The following NTNG1 variants were observed in gnomAD, a reference collection of about 807,000 sequenced individuals.
The protein encoded by NTNG1 is netrin G1, also known as netrin-G1.
In NTNG1, 16 loss-of-function variants were observed where a neutral mutation model predicts 54.0. That is an observed-to-expected ratio of 0.30 (90% CI 0.20 to 0.45). The LOEUF is 0.45. NTNG1 is among the 20% of genes least tolerant of loss of function. The probability of loss-of-function intolerance (pLI) is 1.00; values close to 1 mark genes in which losing one functional copy is unlikely to be tolerated. For synonymous variants in NTNG1, 255 were observed against 263.1 expected (o/e 0.97, Z 0.30); for missense variants, 530 against 678.7 (o/e 0.78, Z 2.43).
intron 7 of NTNG1, among the ~76,000 whole-genome samples, chr1:107,457,285 T>A (rs1677007880): frequency 6.6e-6 from 1 of 152,246 alleles, no homozygotes; most frequent in South Asian, 2.1e-4. Flanking sequence ...GCTCTTTTGG[T>A]ACTAAATCCC....
intron 2 of NTNG1, among the ~76,000 whole-genome samples, chr1:107,183,121 C>A (rs4311917): frequency 0.68 from 102,835 of 152,110 alleles, 39,105 homozygotes; most frequent in Middle Eastern, 0.84. Flanking sequence ...CATTTAATTC[C>A]GTGCTGGAAG....
intron 2 of NTNG1, among the ~76,000 whole-genome samples, chr1:107,152,111 A>G (rs6583009): frequency 0.38 from 57,183 of 151,648 alleles, 12,279 homozygotes; most frequent in African/African-American, 0.6. Context: ...TATAAATTGC[A>G]TATATTGAAA....
intron 6 of NTNG1, among the ~76,000 whole-genome samples, chr1:107,436,133 C>T (rs1343252243): frequency 1.3e-5 from 2 of 152,156 alleles, no homozygotes; most frequent in Admixed American, 1.3e-4. Context: ...AATACAACAT[C>T]TAAAGGCTTA....
At chr1:107,158,533 G>C (rs1655169682) in intron 2 of NTNG1, among the ~76,000 whole-genome samples, 1 of 152,136 alleles carries the variant, frequency 6.6e-6, no homozygotes, top group Non-Finnish European at 1.5e-5. Context: ...GATGTCCATT[G>C]AGAAGTCCAG....
chr1:107,238,046 G>C (rs1661537057), intron 2 of NTNG1, among the ~76,000 whole-genome samples: 1 of 152,266 alleles, frequency 6.6e-6, no homozygotes, highest in East Asian at 1.9e-4. Flanking sequence ...GTGTGGAAAA[G>C]CTGCAGACGC....
At position 107,290,963 on chromosome 1, in the gene NTNG1, TTATATATATATATA is replaced by T. The variant is rs71976757; in HGVS notation, c.247-33310_247-33297del. On this transcript the variant is annotated intron_variant, in intron 2 of 7. Coordinates refer to ENST00000370068, the MANE Select transcript of NTNG1 (RefSeq NM_001113226.3). Reference sequence around the variant, plus strand: ...ATATTTTAAAGTGCATATATATATATTATATATATATATATATATATACACACACACATACATAC... The same window carrying T: ...ATATTTTAAAGTGCATATATATATATTATATATACACACACACATACATAC... 2.8e-5 allele frequency among the ~76,000 whole-genome samples: 4 copies of T among 142,530 alleles called. No individual in the cohort carries two copies. In the South Asian group the frequency reaches 8.9e-4, roughly 32 times the overall value. 93.5% of individuals were successfully genotyped at this position (142,530 alleles called of 152,430 possible).
intron 2 of NTNG1, among the ~76,000 whole-genome samples, chr1:107,276,852 G>T (rs1226765137): frequency 2.0e-5 from 3 of 151,298 alleles, no homozygotes; most frequent in Non-Finnish European, 4.4e-5. Context: ...TTATTGAAGA[G>T]ATGGGATAAA....
intron 7 of NTNG1, among the ~76,000 whole-genome samples, chr1:107,464,583 A>G (rs1348347518): frequency 1.3e-5 from 2 of 152,222 alleles, no homozygotes; most frequent in African/African-American, 2.4e-5. Context: ...AAAAACAATT[A>G]GAACCCTGGA....
In NTNG1 at chr1:107,183,110, G is replaced by A. The variant is rs113560107; in HGVS notation, c.246+34271G>A. 6.3e-4 allele frequency among the ~76,000 whole-genome samples: 96 copies of A among 152,268 alleles called. 1 individual carries two copies. Among genetic ancestry groups the A allele is most frequent in the African/African-American group, 2.2e-3 (91 of 41,558 alleles). ...GCTCTACTTCTTCATGTCTCCCAGA[G>A]CATTTAATTCCGTGCTGGAAGAGGT... is the stretch of plus-strand genomic sequence containing the variant. On this transcript the variant is annotated intron_variant, in intron 2 of 7. Transcript: ENST00000370068.
At chr1:107,290,596 A>C (rs935921373) in intron 2 of NTNG1, among the ~76,000 whole-genome samples, 11 of 152,118 alleles carry the variant, frequency 7.2e-5, no homozygotes, top group Non-Finnish European at 1.6e-4. Context: ...ACTGGAATTC[A>C]GGCACAATCC....
intron 2 of NTNG1, among the ~76,000 whole-genome samples, chr1:107,208,256 C>G (rs566584024): frequency 6.6e-6 from 1 of 151,762 alleles, no homozygotes; most frequent in African/African-American, 2.4e-5. Flanking sequence ...ATGGAGAAAC[C>G]CCCGTCTCTA....
chr1:107,287,628 G>T (rs2101750447), intron 2 of NTNG1, among the ~76,000 whole-genome samples: 1 of 152,254 alleles, frequency 6.6e-6, no homozygotes, highest in Admixed American at 6.5e-5. Context: ...GATGGTAGGG[G>T]AAAAGGTTGA....
intron 3 of NTNG1, among the ~76,000 whole-genome samples, chr1:107,354,453 A>G (rs1021914751): frequency 2.1e-5 from 3 of 144,530 alleles, no homozygotes; most frequent in African/African-American, 7.8e-5. Context: ...TGGACGACAA[A>G]CTGAGACTCC....
intron 4 of NTNG1, among the ~76,000 whole-genome samples, chr1:107,402,488 T>C (rs1673104012): frequency 6.6e-6 from 1 of 152,150 alleles, no homozygotes; most frequent in Admixed American, 6.6e-5. Context: ...ACATGGTAAG[T>C]CAGGTTAATG....
chr1:107,200,142 C>T (rs971386745), intron 2 of NTNG1, among the ~76,000 whole-genome samples: 1 of 151,758 alleles, frequency 6.6e-6, no homozygotes, highest in African/African-American at 2.4e-5. Flanking sequence ...CTTTCTTTCA[C>T]CATAATCTCT....
At chr1:107,367,330 G>A (rs1016322824) in intron 3 of NTNG1, among the ~76,000 whole-genome samples, 2 of 152,070 alleles carry the variant, frequency 1.3e-5, no homozygotes, top group Non-Finnish European at 2.9e-5. Flanking sequence ...GAAACATGCA[G>A]ATTTGAAACT....
chr1:107,392,154 A>G (rs188760218), intron 3 of NTNG1, among the ~76,000 whole-genome samples: 58 of 152,218 alleles, frequency 3.8e-4, no homozygotes, highest in African/African-American at 1.3e-3. Context: ...GAGATCTGAG[A>G]TGGAGATACA....
intron 7 of NTNG1, among the ~76,000 whole-genome samples, chr1:107,458,382 G>A (rs1482232520): frequency 6.6e-6 from 1 of 152,056 alleles, no homozygotes; most frequent in Non-Finnish European, 1.5e-5. Context: ...AGTTCAAAAG[G>A]TAAAAAGCAC....
In NTNG1 at chr1:107,324,569, T is replaced by C. The variant is rs757499912; in HGVS notation, c.534T>C (p.Tyr178=). Residue 178 remains tyrosine (Y), a synonymous_variant, in exon 3 of 8, where the codon TAT becomes TAC. Coordinates refer to ENST00000370068, the MANE Select transcript of NTNG1 (RefSeq NM_001113226.3). ...GAACATGGCAGCCCTATCAGTATTA[T>C]GCCACAGACTGCTTAGATGCTTTTC... is the stretch of plus-strand genomic sequence containing the variant. ...YGRTWQPYQY[Y]ATDCLDAFHM... is the part of the protein sequence containing the mutation. The C allele has an allele frequency of 1.4e-5, 23 of 1,613,636 alleles. No homozygotes were observed. Among genetic ancestry groups the C allele is most frequent in the Non-Finnish European group, 1.9e-5 (23 of 1,179,868 alleles).
Sources: gnomAD v4.1 joint callset for allele counts (sites outside exome capture counted in the v4.1 genomes callset) on GRCh38, gnomAD v4.1.1 for gene constraint, MANE v1.5 for transcripts, NCBI Gene and HGNC (gene_info 2026-07-23, HGNC 2026-07-21) for gene names.